The following WDPCP variants were observed in gnomAD, a reference collection of about 807,000 sequenced individuals.
WDPCP encodes WD repeat-containing and planar cell polarity effector protein fritz homolog.
A neutral mutation model predicts 93.1 loss-of-function variants in WDPCP; 71 were observed. The ratio of observed to expected loss-of-function variants is 0.76; its 90% CI spans 0.63 to 0.93. The LOEUF (loss-of-function observed/expected upper bound fraction) is 0.93. Ranked by LOEUF, WDPCP falls within the 40% of genes least tolerant of loss-of-function variation. WDPCP has a pLI of 0.00. For synonymous variants in WDPCP, 315 were observed against 315.0 expected (o/e 1.00, Z 0.00); for missense variants, 844 against 887.4 (o/e 0.95, Z 0.62).
Position 63,248,913 on chromosome 2 carries a change from G to GT in WDPCP, c.1915+10393dup, listed in dbSNP as rs889187088. Among the ~76,000 whole-genome samples, 723 of 143,954 alleles carry GT rather than the reference G, an allele frequency of 5.0e-3. 6 individuals carry two copies. Among genetic ancestry groups the GT allele is most frequent in the African/African-American group, 0.016 (629 of 39,330 alleles). 94.4% of individuals were successfully genotyped at this position (143,954 alleles called of 152,430 possible). A position where few individuals can be genotyped will look rare whatever the true frequency, so the allele number is the denominator to read the frequency against. ...TGATATTTTCATTTTGTTCTTATGT[G>GT]TTTTTTTTTTAATATTCTTTAGTTC... On this transcript the variant is annotated intron_variant, in intron 14 of 17. Transcript: ENST00000272321.
chr2:63,764,045 G>A (rs1329681625), intron 2 of WDPCP, among the ~76,000 whole-genome samples: 1 of 151,882 alleles, frequency 6.6e-6, no homozygotes, highest in Non-Finnish European at 1.5e-5. Context: ...TTTTTATTGA[G>A]GTAAAATTCA....
chr2:63,708,765 C>A (rs545190412), intron 2 of WDPCP, among the ~76,000 whole-genome samples: 29 of 152,174 alleles, frequency 1.9e-4, no homozygotes, highest in Admixed American at 1.0e-3. Context: ...CTTGGCTCCA[C>A]CCTCCTGGCT....
rs532909609 is a variant in WDPCP, at chr2:63,162,541, G to A, written c.2079-8967C>T. Reference sequence around the variant, plus strand: ...TGATAAACTAATATTTCATAGGTGGGGATAAATGCTAGTCTTCACTGAGGA... The same window carrying A: ...TGATAAACTAATATTTCATAGGTGGAGATAAATGCTAGTCTTCACTGAGGA... On this transcript the variant is annotated intron_variant, in intron 15 of 17. Coordinates refer to ENST00000272321, the MANE Select transcript of WDPCP (RefSeq NM_015910.7). Among the ~76,000 whole-genome samples, 276 of 152,188 alleles carry A rather than the reference G, an allele frequency of 1.8e-3. 2 individuals are homozygous for A. The highest frequency in any genetic ancestry group is 6.2e-3 in the African/African-American group (259 of 41,524).
intron 2 of WDPCP, among the ~76,000 whole-genome samples, chr2:63,780,404 C>T (rs1575771321): frequency 6.6e-6 from 1 of 152,170 alleles, no homozygotes; most frequent in African/African-American, 2.4e-5. Flanking sequence ...TCTTTGAGGG[C>T]TGTGACTGCC....
chr2:63,492,355 A>G (rs1558706850), intron 2 of WDPCP, among the ~76,000 whole-genome samples: 1 of 152,026 alleles, frequency 6.6e-6, no homozygotes, highest in Non-Finnish European at 1.5e-5. Flanking sequence ...CATCTTACCT[A>G]TATGTTTGAA....
intron 4 of WDPCP, among the ~76,000 whole-genome samples, 178 bp downstream of exon 4, chr2:63,486,364 C>T (rs866818975): frequency 2.4e-4 from 36 of 151,686 alleles, no homozygotes; most frequent in African/African-American, 6.3e-4. Flanking sequence ...GAGATTTCAA[C>T]GATCTAAATT....
In WDPCP at chr2:63,801,352, C is replaced by T. The variant is rs763439737; in HGVS notation, n.308+12270G>A. On this transcript the variant is annotated intron_variant and non_coding_transcript_variant, in intron 2 of 4. Transcript: ENST00000467687. ...GTTCCTGCCAGTGGGTTCGTGGTCT[C>T]GCTGACTTCAAGAATGAAACCGTGG... 7.2e-5 allele frequency among the ~76,000 whole-genome samples: 11 copies of T among 152,100 alleles called. No homozygotes were observed. In the East Asian group the frequency reaches 1.4e-3, roughly 19 times the overall value.
chr2:63,386,304 G>C (rs1377183426), intron 10 of WDPCP, among the ~76,000 whole-genome samples: 1 of 151,928 alleles, frequency 6.6e-6, no homozygotes, highest in Non-Finnish European at 1.5e-5. Flanking sequence ...CACAATACAA[G>C]TATCTTACAA....
intron 15 of WDPCP, among the ~76,000 whole-genome samples, chr2:63,158,039 T>C (rs1442160921): frequency 2.0e-5 from 3 of 152,108 alleles, no homozygotes; most frequent in Non-Finnish European, 4.4e-5. Context: ...TTTTTCAGTT[T>C]ATAATCTTTT....
chr2:63,444,117 T>A (rs779179175), intron 6 of WDPCP, among the ~76,000 whole-genome samples: 2 of 151,958 alleles, frequency 1.3e-5, no homozygotes, highest in African/African-American at 2.4e-5. Context: ...AAAAAATGAG[T>A]GGAAAGACAG....
chr2:63,395,436 C>G (rs1296796125), intron 10 of WDPCP, among the ~76,000 whole-genome samples: 1 of 152,126 alleles, frequency 6.6e-6, no homozygotes, highest in African/African-American at 2.4e-5. Flanking sequence ...TCTGTATGTC[C>G]ACGTGTACCC....
rs147315764 is a variant in WDPCP at position 63,363,491 on chromosome 2, G to A, written c.1748+14895C>T. Among the ~76,000 whole-genome samples, 315 of 152,088 alleles carry A rather than the reference G, an allele frequency of 2.1e-3. 1 individual carries two copies. Among genetic ancestry groups the A allele is most frequent in the African/African-American group, 7.1e-3 (294 of 41,488 alleles). The stretch of plus-strand genomic sequence containing the variant: ...GGTGAGCCTATAGTCCCAGCTACTC[G>A]GGAGGCTAAGGTGGGACGACTGATT... On this transcript the variant is annotated intron_variant, in intron 12 of 17. Coordinates refer to ENST00000272321, the MANE Select transcript of WDPCP (RefSeq NM_015910.7).
intron 1 of WDPCP, among the ~76,000 whole-genome samples, chr2:63,575,487 A>ACACTG (rs1558833229): frequency 8.6e-6 from 1 of 116,534 alleles, no homozygotes; most frequent in Non-Finnish European, 1.8e-5. Context: ...CAGTGTATAT[A>ACACTG]TAGTATATAC....
rs183013385 is a variant in WDPCP, at chr2:63,183,079, G to A, written c.1916-8247C>T. ...AGTTTGTCAACTTTATTTTATCAAC[G>A]AACCAACTTTCTGTTTCTTTGACCC... On this transcript the variant is annotated intron_variant, in intron 14 of 17. Transcript: ENST00000272321. 7.3e-3 allele frequency among the ~76,000 whole-genome samples: 1,102 copies of A among 151,682 alleles called. 7 individuals carry two copies. The highest frequency in any genetic ancestry group is 0.024 in the Middle Eastern group (7 of 294).
chr2:63,301,420 G>C (rs1194958840), intron 13 of WDPCP, among the ~76,000 whole-genome samples: 4 of 152,122 alleles, frequency 2.6e-5, no homozygotes, highest in African/African-American at 9.7e-5. Flanking sequence ...ATGGGTAAAC[G>C]CTTCAGCACA....
chr2:63,767,007 C>G (rs1313176788), intron 2 of WDPCP, among the ~76,000 whole-genome samples: 2 of 151,966 alleles, frequency 1.3e-5, no homozygotes, highest in African/African-American at 4.8e-5. Flanking sequence ...CTTGCCCCAC[C>G]CTCACCCCAT....
At chr2:63,685,569 A>C (rs1575747279) in intron 2 of WDPCP, among the ~76,000 whole-genome samples, 1 of 152,384 alleles carries the variant, frequency 6.6e-6, no homozygotes, top group East Asian at 1.9e-4. Flanking sequence ...GTTCCATAAA[A>C]TATAGGTGAA....
chr2:63,314,778 C>T (rs1445176016), intron 12 of WDPCP, among the ~76,000 whole-genome samples: 4 of 152,136 alleles, frequency 2.6e-5, no homozygotes, highest in African/African-American at 9.7e-5. Context: ...ATCTACACCT[C>T]CGGGATCCAT....
At chr2:63,743,827 T>A (rs888772957) in intron 2 of WDPCP, among the ~76,000 whole-genome samples, 6 of 152,162 alleles carry the variant, frequency 3.9e-5, no homozygotes, top group Admixed American at 2.0e-4. Context: ...AAATTATGTT[T>A]AAAAAATTTA....
Sources: gnomAD v4.1 joint callset for allele counts (sites outside exome capture counted in the v4.1 genomes callset) on GRCh38, gnomAD v4.1.1 for gene constraint, MANE v1.5 for transcripts, NCBI Gene and HGNC (gene_info 2026-07-23, HGNC 2026-07-21) for gene names.